Variants in EXOC4 observed in about 807,000 individuals in gnomAD.
EXOC4 encodes the protein exocyst complex component 4, also known as SEC8-like 1.
A neutral mutation model predicts 107.2 loss-of-function variants in EXOC4; 71 were observed. The ratio of observed to expected loss-of-function variants is 0.66; its 90% CI spans 0.55 to 0.81. EXOC4 has a LOEUF of 0.81. EXOC4 is among the 30% of genes least tolerant of loss of function. EXOC4 has a pLI of 0.00. For synonymous variants in EXOC4, 456 were observed against 441.2 expected (o/e 1.03, Z -0.42); for missense variants, 1,108 against 1,189.6 (o/e 0.93, Z 1.01).
intron 14 of EXOC4, among the ~76,000 whole-genome samples, chr7:133,947,589 T>G (rs147738210): frequency 3.5e-4 from 53 of 152,336 alleles, no homozygotes; most frequent in Middle Eastern, 3.4e-3. Context: ...CAATTCCCTC[T>G]GTCAATCAGC....
At position 133,253,137 on chromosome 7, in the gene EXOC4, C is replaced by T. The variant is rs1419623002; in HGVS notation, c.36C>T (p.Ser12=). The T allele has an allele frequency of 6.2e-7, 1 of 1,614,188 alleles. No individual in the cohort carries two copies. Residue 12 remains serine (S), a synonymous_variant, in exon 1 of 18, where the codon AGC becomes AGT. Transcript: ENST00000253861. ...AAGCAGCTGGTGGGAAATACAGAAGCACAGTCAGCAAAAGCAAAGACCCCT... is the reference window on the plus strand; with the variant it reads ...AAGCAGCTGGTGGGAAATACAGAAGTACAGTCAGCAAAAGCAAAGACCCCT... The part of the protein sequence containing the change: ...AAEAAGGKYR[S]TVSKSKDPSG...
At chr7:133,878,363 A>T (rs967704167) in intron 11 of EXOC4, among the ~76,000 whole-genome samples, 15 of 152,196 alleles carry the variant, frequency 9.9e-5, no homozygotes, top group African/African-American at 3.6e-4. Flanking sequence ...AGTGAACGGA[A>T]CCAGCCAGCC....
intron 10 of EXOC4, among the ~76,000 whole-genome samples, chr7:133,746,602 A>G (rs1220428439): frequency 2.0e-5 from 3 of 152,160 alleles, no homozygotes; most frequent in Non-Finnish European, 4.4e-5. Context: ...GCTTTCCAGT[A>G]AAACTTGGCC....
intron 10 of EXOC4, chr7:133,768,284 A>G (rs551762815): frequency 6.6e-5 from 10 of 152,078 alleles, no homozygotes; most frequent in Non-Finnish European, 1.2e-4. Flanking sequence ...AACATTTTTT[A>G]TTATGAGGAA....
At chr7:133,736,712 T>C (rs1795451956) in intron 10 of EXOC4, among the ~76,000 whole-genome samples, 1 of 152,188 alleles carries the variant, frequency 6.6e-6, no homozygotes, top group Non-Finnish European at 1.5e-5. Flanking sequence ...CCCTTTCCTG[T>C]TCCAAAAATA....
chr7:133,951,882 C>G (rs555383221), intron 14 of EXOC4, among the ~76,000 whole-genome samples: 3 of 152,322 alleles, frequency 2.0e-5, no homozygotes, highest in African/African-American at 7.2e-5. Context: ...CTGAATTGGC[C>G]AGGTGCAGTG....
intron 17 of EXOC4, among the ~76,000 whole-genome samples, chr7:134,063,781 C>T (rs1370394458): frequency 6.6e-6 from 1 of 152,148 alleles, no homozygotes. Flanking sequence ...CACCACCATT[C>T]TGAGTGCTTT....
intron 10 of EXOC4, among the ~76,000 whole-genome samples, chr7:133,722,383 A>G (rs964628415): frequency 6.6e-6 from 1 of 152,238 alleles, no homozygotes; most frequent in African/African-American, 2.4e-5. Flanking sequence ...GTCTCTTTAA[A>G]TGGAGAAAAT....
chr7:133,875,348 C>T (rs1337267269), intron 11 of EXOC4, among the ~76,000 whole-genome samples: 1 of 152,178 alleles, frequency 6.6e-6, no homozygotes, highest in Non-Finnish European at 1.5e-5. Flanking sequence ...AAAATAATTT[C>T]AGAAAGATAA....
chr7:133,516,757 C>CTTTTTTTTTTTTTTTTTT (rs1563093913), intron 9 of EXOC4, among the ~76,000 whole-genome samples: 25 of 5,248 alleles, frequency 4.8e-3, no homozygotes, highest in Middle Eastern at 0.17. Context: ...ACTAGCTGCT[C>CTTTTTTTTTTTTTTTTTT]ATTTTTTTTT....
At chr7:133,934,215 C>T (rs916032629) in intron 13 of EXOC4, among the ~76,000 whole-genome samples, 2 of 152,164 alleles carry the variant, frequency 1.3e-5, no homozygotes, top group African/African-American at 4.8e-5. Flanking sequence ...AGTCAAACAG[C>T]TAAAGCCATC....
At chr7:133,740,954 C>T (rs915472763) in intron 10 of EXOC4, among the ~76,000 whole-genome samples, 3 of 152,124 alleles carry the variant, frequency 2.0e-5, no homozygotes, top group Admixed American at 2.0e-4. Flanking sequence ...ACAGTGAGAC[C>T]CTATTTGCCA....
chr7:133,360,028 A>G (rs1249026378), intron 6 of EXOC4, among the ~76,000 whole-genome samples: 1 of 152,188 alleles, frequency 6.6e-6, no homozygotes, highest in Non-Finnish European at 1.5e-5. Flanking sequence ...CATTAGGGTA[A>G]CATGTGCCTT....
At chr7:133,449,407 C>T (rs1303520602) in intron 7 of EXOC4, among the ~76,000 whole-genome samples, 1 of 152,150 alleles carries the variant, frequency 6.6e-6, no homozygotes, top group African/African-American at 2.4e-5. Flanking sequence ...TACTGTAGCC[C>T]TGGGAAACTA....
intron 9 of EXOC4, among the ~76,000 whole-genome samples, chr7:133,622,684 G>A (rs1018473293): frequency 6.6e-6 from 1 of 151,904 alleles, no homozygotes; most frequent in African/African-American, 2.4e-5. Context: ...GAGGCTTTTT[G>A]TGTTTTGTCT....
At chr7:133,617,425 C>G (rs1328733418) in intron 9 of EXOC4, among the ~76,000 whole-genome samples, 1 of 152,112 alleles carries the variant, frequency 6.6e-6, no homozygotes, top group Admixed American at 6.6e-5. Flanking sequence ...CCAGATAAAA[C>G]ATTAAAAAAT....
At chr7:133,542,451 C>T (rs1171005380) in intron 9 of EXOC4, among the ~76,000 whole-genome samples, 1 of 151,966 alleles carries the variant, frequency 6.6e-6, no homozygotes, top group Non-Finnish European at 1.5e-5. Context: ...GGTTTTATGA[C>T]CTATAGTGAA....
chr7:133,303,833 T>G (rs1794694800), intron 3 of EXOC4, among the ~76,000 whole-genome samples: 1 of 152,230 alleles, frequency 6.6e-6, no homozygotes, highest in African/African-American at 2.4e-5. Flanking sequence ...CTTACTGAAA[T>G]TGCTTCACTA....
the EXOC4 span, among the ~76,000 whole-genome samples, chr7:134,093,451 T>G: frequency 1.3e-5 from 2 of 152,116 alleles, no homozygotes; most frequent in African/African-American, 4.8e-5. Context: ...ACAAAAAGAT[T>G]TTAGACTGCC....
Sources: gnomAD v4.1 joint callset for allele counts (sites outside exome capture counted in the v4.1 genomes callset) on GRCh38, gnomAD v4.1.1 for gene constraint, MANE v1.5 for transcripts, NCBI Gene and HGNC (gene_info 2026-07-23, HGNC 2026-07-21) for gene names.